Variants in LINGO2 observed in about 807,000 individuals in gnomAD.
LINGO2 encodes leucine-rich repeat and immunoglobulin-like domain-containing nogo receptor-interacting protein 2.
LINGO2 carries 14 observed loss-of-function variants against 30.6 expected under a neutral mutation model. The observed-to-expected ratio is 0.46, with a 90% confidence interval of 0.30 to 0.72. The LOEUF (loss-of-function observed/expected upper bound fraction) is 0.72. Ranked by LOEUF, LINGO2 falls within the 30% of genes least tolerant of loss-of-function variation. The pLI, the probability that LINGO2 is intolerant of heterozygous loss-of-function variation, is 0.07. For synonymous variants in LINGO2, 317 were observed against 288.5 expected (o/e 1.10, Z -1.00); for missense variants, 729 against 751.7 (o/e 0.97, Z 0.35).
chr9:28,303,923 C>A (rs1824244414), intron 3 of LINGO2, among the ~76,000 whole-genome samples: 1 of 152,020 alleles, frequency 6.6e-6, no homozygotes, highest in East Asian at 1.9e-4. Flanking sequence ...TAAGTGGACA[C>A]AAGCAGTTCA....
intron 4 of LINGO2, among the ~76,000 whole-genome samples, chr9:28,110,327 G>A (rs1036787169): frequency 2.0e-5 from 3 of 152,108 alleles, no homozygotes; most frequent in African/African-American, 7.2e-5. Flanking sequence ...TCAGAACATA[G>A]GCATGGGCAA....
At chr9:29,117,463 C>T in the LINGO2 span, among the ~76,000 whole-genome samples, 1 of 152,166 alleles carries the variant, frequency 6.6e-6, no homozygotes, top group Admixed American at 6.5e-5. Context: ...TCCAGCATAT[C>T]ACTGGTTTAG....
intron 4 of LINGO2, among the ~76,000 whole-genome samples, chr9:28,033,908 C>T (rs1028712956): frequency 6.6e-6 from 1 of 152,192 alleles, no homozygotes; most frequent in Non-Finnish European, 1.5e-5. Context: ...CAAGTCCAGC[C>T]CTTTCCAGTG....
intron 5 of LINGO2, among the ~76,000 whole-genome samples, chr9:28,005,808 C>G (rs1822237505): frequency 6.6e-6 from 1 of 151,808 alleles, no homozygotes; most frequent in African/African-American, 2.4e-5. Context: ...CAAGACAGAG[C>G]AGAGGAGAAA....
intron 2 of LINGO2, among the ~76,000 whole-genome samples, chr9:28,454,068 G>A (rs915360667): frequency 2.6e-5 from 4 of 151,996 alleles, no homozygotes; most frequent in African/African-American, 9.7e-5. Context: ...TCAGTCTTGA[G>A]TAATGAGAGT....
the LINGO2 span, among the ~76,000 whole-genome samples, chr9:28,972,726 G>A: frequency 6.6e-6 from 1 of 152,166 alleles, no homozygotes; most frequent in Non-Finnish European, 1.5e-5. Flanking sequence ...TAGCTGAGGA[G>A]GCCTGAGAAT....
intron 1 of LINGO2, among the ~76,000 whole-genome samples, chr9:28,482,236 A>G (rs1425651287): frequency 3.3e-5 from 5 of 151,868 alleles, no homozygotes; most frequent in Admixed American, 6.6e-5. Flanking sequence ...TTACAGTCCC[A>G]CCAACAGTGT....
At chr9:28,375,119 C>T (rs1396892161) in intron 2 of LINGO2, among the ~76,000 whole-genome samples, 2 of 96,926 alleles carry the variant, frequency 2.1e-5, no homozygotes, top group East Asian at 5.2e-4. Context: ...CACACACACA[C>T]ACACACACAC....
chr9:28,888,532 T>G, the LINGO2 span, among the ~76,000 whole-genome samples: 1 of 152,136 alleles, frequency 6.6e-6, no homozygotes, highest in Admixed American at 6.6e-5. Flanking sequence ...TTTTTAATTT[T>G]TTCCTTTCCT....
At chr9:28,519,088 G>T (rs12238286) in intron 1 of LINGO2, among the ~76,000 whole-genome samples, 4,093 of 152,020 alleles carry the variant, frequency 0.027, 122 homozygotes, top group East Asian at 0.1. Flanking sequence ...GCTGGAGTGC[G>T]GTGGTATGAT....
intron 1 of LINGO2, among the ~76,000 whole-genome samples, chr9:28,481,228 C>A (rs985003914): frequency 1.3e-5 from 2 of 152,074 alleles, no homozygotes; most frequent in Non-Finnish European, 2.9e-5. Flanking sequence ...ATAACTGTGA[C>A]TAAATTCATG....
At chr9:28,277,837 C>CAA (rs765748438) in intron 4 of LINGO2, among the ~76,000 whole-genome samples, 24 of 108,016 alleles carry the variant, frequency 2.2e-4, no homozygotes, top group East Asian at 1.0e-3. Flanking sequence ...CAAAACAAAA[C>CAA]AAAAAAAAAA....
chr9:28,099,864 T>A (rs1167344051), intron 4 of LINGO2, among the ~76,000 whole-genome samples: 4 of 152,166 alleles, frequency 2.6e-5, no homozygotes, highest in Admixed American at 2.6e-4. Flanking sequence ...CTTGTTCAAC[T>A]CAGACCCTTT....
At chr9:29,115,409 G>A in the LINGO2 span, among the ~76,000 whole-genome samples, 1,039 of 151,938 alleles carry the variant, frequency 6.8e-3, no homozygotes, top group Non-Finnish European at 0.01. Flanking sequence ...TATTTTAAAT[G>A]AAACACCAAT....
At chr9:29,099,200 C>A in the LINGO2 span, among the ~76,000 whole-genome samples, 1 of 152,044 alleles carries the variant, frequency 6.6e-6, no homozygotes, top group Non-Finnish European at 1.5e-5. Flanking sequence ...GAAATTAGAC[C>A]CCTATATCTC....
intron 1 of LINGO2, among the ~76,000 whole-genome samples, chr9:28,648,535 C>T (rs1048861398): frequency 6.6e-6 from 1 of 152,070 alleles, no homozygotes; most frequent in Non-Finnish European, 1.5e-5. Context: ...TTAACTATCT[C>T]ATAGACTCAG....
At chr9:29,031,884 G>A in the LINGO2 span, among the ~76,000 whole-genome samples, 1 of 152,110 alleles carries the variant, frequency 6.6e-6, no homozygotes, top group African/African-American at 2.4e-5. Flanking sequence ...ATTGGCTCCA[G>A]TTTCAATTTC....
intron 1 of LINGO2, among the ~76,000 whole-genome samples, chr9:28,501,434 A>AAGC (rs1819878090): frequency 6.6e-6 from 1 of 152,214 alleles, no homozygotes; most frequent in African/African-American, 2.4e-5. Context: ...TAATTGAATG[A>AAGC]AGCAAAGAAC....
chr9:28,775,416 T>A, the LINGO2 span, among the ~76,000 whole-genome samples: 3 of 152,324 alleles, frequency 2.0e-5, no homozygotes, highest in African/African-American at 7.2e-5. Context: ...GCATAGGTAC[T>A]GAATCTTTAG....
Sources: allele counts gnomAD v4.1 joint callset (sites outside exome capture counted in the v4.1 genomes callset), GRCh38; gene constraint gnomAD v4.1.1; transcripts MANE v1.5; gene names NCBI Gene and HGNC (gene_info 2026-07-23, HGNC 2026-07-21).